The following AUTS2 variants were observed in gnomAD, a reference collection of about 807,000 sequenced individuals.
AUTS2 encodes activator of transcription and developmental regulator AUTS2.
A neutral mutation model predicts 112.4 loss-of-function variants in AUTS2; 17 were observed. That is an observed-to-expected ratio of 0.15 (90% CI 0.10 to 0.23). The LOEUF is 0.23. Among genes scored for constraint, AUTS2 ranks in the 10% least tolerant of loss-of-function variants. The pLI is 1.00. For missense variants in AUTS2, 1,510 were observed against 1,701.6 expected (o/e 0.89, Z 1.98); for synonymous variants, 751 against 702.7 (o/e 1.07, Z -1.09).
At chr7:70,213,569 T>C (rs914503864) in intron 4 of AUTS2, among the ~76,000 whole-genome samples, 6 of 151,424 alleles carry the variant, frequency 4.0e-5, no homozygotes, top group Non-Finnish European at 5.9e-5. Context: ...CTATTTTAAA[T>C]GCACTTCAAC....
intron 5 of AUTS2, among the ~76,000 whole-genome samples, chr7:70,626,790 T>C (rs1200002865): frequency 2.0e-5 from 3 of 152,238 alleles, no homozygotes; most frequent in African/African-American, 7.2e-5. Flanking sequence ...CCTGCGTTAA[T>C]TCACTTAAGA....
At chr7:70,107,313 C>T (rs1804815022) in intron 2 of AUTS2, among the ~76,000 whole-genome samples, 1 of 148,152 alleles carries the variant, frequency 6.7e-6, no homozygotes, top group Non-Finnish European at 1.5e-5. Context: ...GCTCTCCTTA[C>T]TGGCCAATCC....
intron 1 of AUTS2, among the ~76,000 whole-genome samples, chr7:69,865,049 C>T (rs781709568): frequency 6.6e-6 from 1 of 150,642 alleles, no homozygotes; most frequent in African/African-American, 2.4e-5. Context: ...CACTCACAGA[C>T]GTGAATGAAC....
At chr7:70,572,051 G>A (rs1801964872) in intron 5 of AUTS2, among the ~76,000 whole-genome samples, 1 of 152,190 alleles carries the variant, frequency 6.6e-6, no homozygotes, top group South Asian at 2.1e-4. Context: ...AAATTTAGAA[G>A]TAATTCAGGC....
chr7:69,644,494 T>C (rs1043058305), intron 1 of AUTS2, among the ~76,000 whole-genome samples: 35 of 150,082 alleles, frequency 2.3e-4, no homozygotes, highest in African/African-American at 8.2e-4. Flanking sequence ...TCCTGCATCT[T>C]GTCTTAAAAA....
chr7:70,131,921 G>A (rs1806293755), intron 3 of AUTS2, among the ~76,000 whole-genome samples: 1 of 151,708 alleles, frequency 6.6e-6, no homozygotes, highest in African/African-American at 2.4e-5. Context: ...CAGAATCTTG[G>A]GGTTGTAGGA....
chr7:70,746,334 CG>C (rs1333881525), intron 6 of AUTS2, among the ~76,000 whole-genome samples: 3 of 152,014 alleles, frequency 2.0e-5, no homozygotes, highest in African/African-American at 7.3e-5. Context: ...TCAGTAGAGA[CG>C]GGGTTTCACC....
rs149416323 is a variant in AUTS2 at position 69,786,388 on chromosome 7, G to A, written c.310-112898G>A. Among the ~76,000 whole-genome samples, 1,152 of 152,300 alleles carry A rather than the reference G, an allele frequency of 7.6e-3. 16 individuals are homozygous for A. The highest frequency in any genetic ancestry group is 0.026 in the African/African-American group (1,079 of 41,564). On this transcript the variant is annotated intron_variant, in intron 1 of 18. Coordinates refer to ENST00000342771, the MANE Select transcript of AUTS2 (RefSeq NM_015570.4). ...TGTGTCTAGCTAAAGGATTGTAAAC[G>A]CACCAGTCAGCACTCTGTAAAATGG...
chr7:69,958,539 T>C (rs976069129), intron 2 of AUTS2, among the ~76,000 whole-genome samples: 10 of 152,074 alleles, frequency 6.6e-5, no homozygotes, highest in African/African-American at 2.4e-4. Flanking sequence ...TGGGCACATT[T>C]ACTTCTTAGG....
At chr7:70,167,443 G>A (rs575238088) in intron 4 of AUTS2, among the ~76,000 whole-genome samples, 1 of 152,216 alleles carries the variant, frequency 6.6e-6, no homozygotes, top group East Asian at 1.9e-4. Context: ...AGAATTATAG[G>A]AAGAATAGAC....
At chr7:70,773,620 C>T (rs1159477945) in intron 11 of AUTS2, among the ~76,000 whole-genome samples, 1 of 152,216 alleles carries the variant, frequency 6.6e-6, no homozygotes, top group Non-Finnish European at 1.5e-5. Flanking sequence ...ATGAGAAACA[C>T]CTGATACTGC....
intron 4 of AUTS2, chr7:70,294,338 C>T (rs963142154): frequency 6.6e-6 from 1 of 152,204 alleles, no homozygotes; most frequent in Non-Finnish European, 1.5e-5. Context: ...TAACTGTACA[C>T]ATAAAACAAC....
intron 5 of AUTS2, among the ~76,000 whole-genome samples, chr7:70,599,735 C>T (rs35854332): frequency 0.04 from 6,035 of 152,238 alleles, 142 homozygotes; most frequent in Middle Eastern, 0.11. Flanking sequence ...AGCAGCAATA[C>T]AGGCCCAGTG....
At position 70,731,574 on chromosome 7, in the gene AUTS2, T is replaced by C. The variant is rs940675958; in HGVS notation, c.743-31296T>C. Among the ~76,000 whole-genome samples the C allele has an allele frequency of 4.0e-5, 6 of 151,550 alleles. No individual in the cohort carries two copies. In the East Asian group the frequency reaches 7.8e-4, roughly 20 times the overall value. On this transcript the variant is annotated intron_variant, in intron 6 of 18. Coordinates refer to ENST00000342771, the MANE Select transcript of AUTS2 (RefSeq NM_015570.4). ...CCTCCTGAGTAGCTGGTACTACAGGTGCCCGCCACCATGCCCGGCTAATTT... is the reference window on the plus strand; with the variant it reads ...CCTCCTGAGTAGCTGGTACTACAGGCGCCCGCCACCATGCCCGGCTAATTT...
In AUTS2 at chr7:69,908,567, G is replaced by C. The variant is rs144768970; in HGVS notation, c.522+9069G>C. ...TGTCTCTCAGGAGGCCTGATGAGCT[G>C]TGCCATGTGGCCTTCTGGAACATTA... On this transcript the variant is annotated intron_variant, in intron 2 of 18. Transcript: ENST00000342771. 4.6e-5 allele frequency among the ~76,000 whole-genome samples: 7 copies of C among 152,320 alleles called. No individual in the cohort carries two copies. In the East Asian group the frequency reaches 1.4e-3, roughly 29 times the overall value.
chr7:69,620,009 ATGCCT>A (rs2129089806), intron 1 of AUTS2, among the ~76,000 whole-genome samples: 1 of 152,352 alleles, frequency 6.6e-6, no homozygotes, highest in Non-Finnish European at 1.5e-5. Flanking sequence ...TTGATTACAA[ATGCCT>A]TCATGAATCT....
chr7:69,615,227 G>A (rs1793303517), intron 1 of AUTS2, among the ~76,000 whole-genome samples: 1 of 152,154 alleles, frequency 6.6e-6, no homozygotes, highest in African/African-American at 2.4e-5. Flanking sequence ...GTGAAGATGG[G>A]CTGTCAGGGA....
At chr7:70,566,579 C>T (rs1483296224) in intron 5 of AUTS2, among the ~76,000 whole-genome samples, 1 of 152,098 alleles carries the variant, frequency 6.6e-6, no homozygotes, top group Admixed American at 6.5e-5. Context: ...ATCTGTGGTT[C>T]AGGTCTGTTG....
chr7:69,810,465 G>T (rs537128946), intron 1 of AUTS2, among the ~76,000 whole-genome samples: 1 of 149,936 alleles, frequency 6.7e-6, no homozygotes, highest in South Asian at 2.1e-4. Context: ...GCACACAGTA[G>T]TTGTTTAATT....
Sources: allele counts gnomAD v4.1 joint callset (sites outside exome capture counted in the v4.1 genomes callset), GRCh38; gene constraint gnomAD v4.1.1; transcripts MANE v1.5; gene names NCBI Gene and HGNC (gene_info 2026-07-23, HGNC 2026-07-21).